The following PFKFB3 variants were observed in gnomAD, a reference collection of about 807,000 sequenced individuals.
PFKFB3 encodes the protein 6-phosphofructo-2-kinase/fructose-2,6-bisphosphatase 3.
PFKFB3 carries 33 observed loss-of-function variants against 68.0 expected under a neutral mutation model. That is an observed-to-expected ratio of 0.49 (90% CI 0.37 to 0.65). The LOEUF is 0.65. Ranked by LOEUF, PFKFB3 falls within the 30% of genes least tolerant of loss-of-function variation. The pLI, the probability that PFKFB3 is intolerant of heterozygous loss-of-function variation, is 0.00. For missense variants in PFKFB3, 586 were observed against 712.2 expected, an observed-to-expected ratio of 0.82 and a Z score of 2.02; for synonymous variants, 315 against 288.2, an observed-to-expected ratio of 1.09 and a Z score of -0.94.
At chr10:6,222,774 C>A in intron 10 of PFKFB3, 81 bp from the exon 11 acceptor site, 1 of 1,463,848 alleles carries the variant, frequency 6.8e-7, no homozygotes, top group East Asian at 2.4e-5. Flanking sequence ...GCTCTCTGGC[C>A]GGTCTGATGC....
downstream of PFKFB3, among the ~76,000 whole-genome samples, chr10:6,256,672 G>A (rs982005277): frequency 3.9e-5 from 6 of 152,202 alleles, no homozygotes; most frequent in African/African-American, 1.4e-4. Context: ...TTAACGTGAC[G>A]AAGCTTCTGC....
chr10:6,144,980 G>C, exon 1 of PFKFB3: 1 of 1,299,812 alleles, frequency 7.7e-7, no homozygotes, highest in Non-Finnish European at 9.8e-7. Context: ...CGGCCCCGCG[G>C]GGAGCGCCCC....
chr10:6,197,000 T>TTATTATTA lies in PFKFB3; in HGVS notation c.17-16622_17-16621insATTATTAT, dbSNP rs763926675. On this transcript the variant is annotated intron_variant, in intron 1 of 14. Coordinates refer to the PFKFB3 transcript ENST00000379789. ...ACTTATTATTATTATTATTATTATT[T>TTATTATTA]TTGAGACAGAGTCTTGCTCTGTCCC... 2.2e-3 allele frequency among the ~76,000 whole-genome samples: 330 copies of TTATTATTA among 151,596 alleles called. 2 individuals are homozygous for TTATTATTA. The highest frequency in any genetic ancestry group is 7.6e-3 in the African/African-American group (315 of 41,260).
the PFKFB3 span, among the ~76,000 whole-genome samples, chr10:6,262,221 G>C: frequency 6.6e-6 from 1 of 151,916 alleles, no homozygotes; most frequent in Non-Finnish European, 1.5e-5. Context: ...TTGGGAGGCT[G>C]AGGCGGGCGG....
chr10:6,168,500 G>A (rs887267021), intron 1 of PFKFB3, among the ~76,000 whole-genome samples: 4 of 152,214 alleles, frequency 2.6e-5, no homozygotes, highest in Admixed American at 2.6e-4. Context: ...ATTAACACGA[G>A]CAGCTAAGCA....
rs528115540 is a variant in PFKFB3, at chr10:6,225,996, T to C, written c.1342-196T>C. On this transcript the variant is annotated intron_variant, in intron 13 of 14. Coordinates refer to ENST00000379775, the MANE Select transcript of PFKFB3 (RefSeq NM_004566.4). Reference sequence around the variant, plus strand: ...CCGAGGAAGGGGGCATGGGAGGGAATTGCCCCCATTCTTGCTGCCTGGCAG... The same window carrying C: ...CCGAGGAAGGGGGCATGGGAGGGAACTGCCCCCATTCTTGCTGCCTGGCAG... Among the ~76,000 whole-genome samples, 4 of 152,296 alleles carry C rather than the reference T, an allele frequency of 2.6e-5. No homozygotes were observed. In the East Asian group the frequency reaches 5.8e-4, roughly 22 times the overall value.
At chr10:6,174,885 G>A (rs1224227565) in intron 1 of PFKFB3, among the ~76,000 whole-genome samples, 1 of 151,072 alleles carries the variant, frequency 6.6e-6, no homozygotes, top group Non-Finnish European at 1.5e-5. Flanking sequence ...GCACGATCTC[G>A]GCTCACTGCA....
the PFKFB3 span, among the ~76,000 whole-genome samples, chr10:6,319,039 G>A: frequency 9.8e-4 from 149 of 152,168 alleles, no homozygotes; most frequent in African/African-American, 2.6e-3. Flanking sequence ...CAATATTCTC[G>A]GGAGGAAGAC....
intron 1 of PFKFB3, among the ~76,000 whole-genome samples, chr10:6,195,760 G>C (rs1222510540): frequency 6.6e-6 from 1 of 152,250 alleles, no homozygotes; most frequent in Non-Finnish European, 1.5e-5. Flanking sequence ...GCGAGGCAGA[G>C]AAGGGAGAAT....
At chr10:6,166,818 CTTCTTT>C (rs796645582) in intron 1 of PFKFB3, among the ~76,000 whole-genome samples, 1,948 of 129,624 alleles carry the variant, frequency 0.015, 27 homozygotes, top group African/African-American at 0.049. Context: ...AGCCCTTCTT[CTTCTTT>C]TTTTTTTTTT....
chr10:6,251,407 A>G (rs536477654), intron 14 of PFKFB3, among the ~76,000 whole-genome samples: 5 of 152,188 alleles, frequency 3.3e-5, no homozygotes, highest in Non-Finnish European at 5.9e-5. Context: ...TAGCTTTTTG[A>G]AAAATATGTC....
chr10:6,217,152 G>C lies in PFKFB3; in HGVS notation c.459G>C (p.Ser153=). The C allele has an allele frequency of 6.2e-7, 1 of 1,614,142 alleles. No homozygotes were observed. Among genetic ancestry groups the C allele is most frequent in the Middle Eastern group, 1.6e-4 (1 of 6,062 alleles). The change falls in exon 6 of 15, where the codon TCG becomes TCC. Residue 153 remains serine (S), a synonymous_variant. Coordinates refer to ENST00000379775, the MANE Select transcript of PFKFB3 (RefSeq NM_004566.4). ...ENDFKAFFIE[S]VCDDPTVVAS... Reference sequence around the variant, plus strand: ...TCCACCAGGCGTTTTTCATCGAGTCGGTGTGCGACGACCCTACAGTTGTGG... The same window carrying C: ...TCCACCAGGCGTTTTTCATCGAGTCCGTGTGCGACGACCCTACAGTTGTGG...
At chr10:6,194,527 C>T (rs1003015021) in intron 1 of PFKFB3, among the ~76,000 whole-genome samples, 2 of 152,172 alleles carry the variant, frequency 1.3e-5, no homozygotes, top group African/African-American at 4.8e-5. Flanking sequence ...CAGGCTTAAC[C>T]CATGTGCAGC....
downstream of PFKFB3, among the ~76,000 whole-genome samples, chr10:6,259,184 TATCC>T (rs199968075): frequency 0.019 from 2,695 of 138,438 alleles, 94 homozygotes; most frequent in South Asian, 0.15. Flanking sequence ...CCCATCCATC[TATCC>T]ATCCATCCAT....
In PFKFB3 at chr10:6,217,014, C is replaced by T. The variant is rs1844630232; in HGVS notation, c.442-121C>T. 5 of 1,041,122 alleles carry T rather than the reference C, an allele frequency of 4.8e-6. No individual in the cohort carries two copies. In the South Asian group the frequency reaches 6.7e-5, roughly 14 times the overall value. 64.5% of individuals were successfully genotyped at this position (1,041,122 alleles called of 1,614,324 possible). Reference sequence around the variant, plus strand: ...GGCTGCAGTGAGGAGGTGGGCTTTCCTGTGTTTGGGAGTTGGTGGGTGGCG... The same window carrying T: ...GGCTGCAGTGAGGAGGTGGGCTTTCTTGTGTTTGGGAGTTGGTGGGTGGCG... On this transcript the variant is annotated intron_variant, in intron 5 of 14. Coordinates refer to ENST00000379775, the MANE Select transcript of PFKFB3 (RefSeq NM_004566.4).
Position 6,235,175 on chromosome 10 carries a change from A to G in PFKFB3, c.*2233A>G, listed in dbSNP as rs1174111986. On this transcript the variant is annotated 3_prime_UTR_variant, in exon 15 of 15. Transcript: ENST00000379775. ...TCCCCCCTCCTTATTCTGTCCTGAG[A>G]CCACGGGCAAAGCTCTTCATTTTGA... 6.5e-6 allele frequency: 1 copy of G among 152,760 alleles called. No homozygotes were observed. The highest frequency in any genetic ancestry group is 2.1e-4 in the South Asian group (1 of 4,832). The allele number at this position is 152,760 out of a possible 1,614,324, so 9.5% of individuals were successfully genotyped here.
chr10:6,177,354 C>CTCTCTCTT (rs1554842850), intron 1 of PFKFB3, among the ~76,000 whole-genome samples: 5 of 77,924 alleles, frequency 6.4e-5, no homozygotes, highest in South Asian at 5.7e-4. Flanking sequence ...CTTTTCTTTT[C>CTCTCTCTT]TCTTTCTTTC....
At chr10:6,151,593 C>T (rs1841588169) in intron 1 of PFKFB3, among the ~76,000 whole-genome samples, 1 of 152,044 alleles carries the variant, frequency 6.6e-6, no homozygotes, top group Non-Finnish European at 1.5e-5. Context: ...GATACTGACC[C>T]CTGGCGATCA....
Position 6,215,185 on chromosome 10 carries a change from C to T in PFKFB3, c.203-36C>T, listed in dbSNP as rs1844482778. On this transcript the variant is annotated intron_variant, in intron 2 of 14. Coordinates refer to ENST00000379775, the MANE Select transcript of PFKFB3 (RefSeq NM_004566.4). This position sits in a 1 kb window ranked among gnomAD's most constrained non-coding sequence, Gnocchi z 4.3. ...GGTGTGAGCTGGCCCCTTCCTCCTGCTCGATCATCCAGACTGTTCTCTTTC... is the reference window on the plus strand; with the variant it reads ...GGTGTGAGCTGGCCCCTTCCTCCTGTTCGATCATCCAGACTGTTCTCTTTC... 4 of 1,582,382 alleles carry T rather than the reference C, an allele frequency of 2.5e-6. No homozygotes were observed. The highest frequency in any genetic ancestry group is 3.5e-6 in the Non-Finnish European group (4 of 1,151,632).
Sources: allele counts gnomAD v4.1 joint callset (sites outside exome capture counted in the v4.1 genomes callset), GRCh38; gene constraint gnomAD v4.1.1; non-coding constraint Gnocchi (gnomAD v3.1); transcripts MANE v1.5; gene names NCBI Gene and HGNC (gene_info 2026-07-23, HGNC 2026-07-21).